The following CADM2 variants were observed in gnomAD, a reference collection of about 807,000 sequenced individuals.
The protein encoded by CADM2 is cell adhesion molecule 2.
CADM2 carries 12 observed loss-of-function variants against 49.8 expected under a neutral mutation model. The ratio of observed to expected loss-of-function variants is 0.24; its 90% CI spans 0.15 to 0.39. CADM2 has a LOEUF of 0.39. Among genes scored for constraint, CADM2 ranks in the 10% least tolerant of loss-of-function variants. The pLI is 1.00. For missense variants in CADM2, 378 were observed against 492.3 expected (o/e 0.77, Z 2.20); for synonymous variants, 214 against 175.4 (o/e 1.22, Z -1.74).
intron 3 of CADM2, among the ~76,000 whole-genome samples, chr3:85,867,689 A>T (rs2075775307): frequency 6.6e-6 from 1 of 152,088 alleles, no homozygotes; most frequent in Non-Finnish European, 1.5e-5. Context: ...CTACAAGAAG[A>T]AATACTTTGA....
chr3:86,050,023 TAA>T (rs1303831939), intron 8 of CADM2, among the ~76,000 whole-genome samples: 1 of 152,264 alleles, frequency 6.6e-6, no homozygotes, highest in South Asian at 2.1e-4. Flanking sequence ...ATTCCACCAT[TAA>T]CTCCAAAGTT....
intron 3 of CADM2, among the ~76,000 whole-genome samples, chr3:85,832,699 C>T (rs1295530988): frequency 2.0e-5 from 3 of 151,782 alleles, no homozygotes; most frequent in Non-Finnish European, 4.4e-5. Context: ...TTTCTAGGAG[C>T]CCTTTGATGG....
chr3:85,164,855 G>C (rs2107674148), intron 1 of CADM2, among the ~76,000 whole-genome samples: 1 of 152,038 alleles, frequency 6.6e-6, no homozygotes, highest in South Asian at 2.1e-4. Context: ...TTTCAAGCTT[G>C]ATAAGAGCAT....
At chr3:85,489,881 CAAT>C (rs1408424550) in intron 1 of CADM2, among the ~76,000 whole-genome samples, 2 of 151,052 alleles carry the variant, frequency 1.3e-5, no homozygotes, top group Non-Finnish European at 3.0e-5. Context: ...AAGAAACAAG[CAAT>C]AATGATGAAC....
chr3:85,907,967 C>T (rs1717029100), intron 5 of CADM2, among the ~76,000 whole-genome samples: 1 of 151,138 alleles, frequency 6.6e-6, no homozygotes, highest in Non-Finnish European at 1.5e-5. Flanking sequence ...AGCACCAAAA[C>T]CGCAAAAGTG....
chr3:85,209,808 A>T (rs929112786), intron 1 of CADM2, among the ~76,000 whole-genome samples: 3 of 152,192 alleles, frequency 2.0e-5, no homozygotes, highest in Admixed American at 6.5e-5. Context: ...GAACCTTTGA[A>T]AAGTTCACAA....
intron 1 of CADM2, among the ~76,000 whole-genome samples, chr3:85,455,910 A>G (rs974870815): frequency 6.6e-6 from 1 of 152,200 alleles, no homozygotes; most frequent in African/African-American, 2.4e-5. Flanking sequence ...TCATGATGAC[A>G]AAGAGTAGAT....
At chr3:85,095,618 A>G (rs1420775533) in intron 1 of CADM2, among the ~76,000 whole-genome samples, 2 of 152,160 alleles carry the variant, frequency 1.3e-5, no homozygotes, top group Admixed American at 1.3e-4. Context: ...CAAAATCTTA[A>G]AAGGATATTT....
intron 8 of CADM2, among the ~76,000 whole-genome samples, chr3:85,995,763 A>T (rs1318058423): frequency 6.6e-6 from 1 of 152,110 alleles, no homozygotes; most frequent in African/African-American, 2.4e-5. Flanking sequence ...AAGTTACAAG[A>T]CTCAGAAGAG....
intron 1 of CADM2, among the ~76,000 whole-genome samples, chr3:85,060,225 G>T (rs2036253111): frequency 6.6e-6 from 1 of 152,114 alleles, no homozygotes; most frequent in Non-Finnish European, 1.5e-5. Flanking sequence ...CTGCCTGCCA[G>T]GTTCAAGTGA....
chr3:85,314,046 C>T (rs750380745), intron 1 of CADM2, among the ~76,000 whole-genome samples: 14 of 152,054 alleles, frequency 9.2e-5, no homozygotes, highest in South Asian at 2.1e-4. Flanking sequence ...CGTGCCACCA[C>T]GCCTGGTAAT....
At chr3:85,662,457 A>G (rs1444010161) in intron 1 of CADM2, among the ~76,000 whole-genome samples, 1 of 151,878 alleles carries the variant, frequency 6.6e-6, no homozygotes, top group African/African-American at 2.4e-5. Flanking sequence ...TGAGTCCAGC[A>G]TTTTCTTCGT....
chr3:85,441,921 C>G (rs1054626773), intron 1 of CADM2, among the ~76,000 whole-genome samples: 1 of 151,910 alleles, frequency 6.6e-6, no homozygotes, highest in African/African-American at 2.4e-5. Context: ...AGAGGTGGAA[C>G]TATAAGCAGA....
intron 8 of CADM2, among the ~76,000 whole-genome samples, chr3:86,036,479 C>T (rs1735178166): frequency 6.6e-6 from 1 of 152,060 alleles, no homozygotes. Context: ...CCCCTTAATT[C>T]CAAATATAGT....
chr3:86,030,436 A>T (rs1333236800), intron 8 of CADM2, among the ~76,000 whole-genome samples: 1 of 152,026 alleles, frequency 6.6e-6, no homozygotes, highest in South Asian at 2.1e-4. Flanking sequence ...AATTCAGTGT[A>T]AACTCTATTT....
intron 1 of CADM2, among the ~76,000 whole-genome samples, chr3:85,000,471 T>G (rs2033408691): frequency 6.6e-6 from 1 of 152,102 alleles, no homozygotes; most frequent in Non-Finnish European, 1.5e-5. Context: ...TTTTACTTAT[T>G]CCAAGGTTGC....
chr3:85,983,848 C>G (rs1350722009), intron 8 of CADM2, among the ~76,000 whole-genome samples: 1 of 151,458 alleles, frequency 6.6e-6, no homozygotes, highest in Non-Finnish European at 1.5e-5. Context: ...TACCATCTGT[C>G]TGTCCTTTGA....
intron 1 of CADM2, among the ~76,000 whole-genome samples, chr3:85,095,147 C>T (rs1407494761): frequency 6.6e-6 from 1 of 152,104 alleles, no homozygotes; most frequent in African/African-American, 2.4e-5. Flanking sequence ...ATTGTTCAAA[C>T]GTTTTAATTT....
intron 1 of CADM2, among the ~76,000 whole-genome samples, chr3:85,033,098 G>A (rs2035057792): frequency 6.6e-6 from 1 of 151,984 alleles, no homozygotes; most frequent in Non-Finnish European, 1.5e-5. Flanking sequence ...TTTTAATTAA[G>A]CCAAATCAAA....
Sources: gnomAD v4.1 joint callset for allele counts (sites outside exome capture counted in the v4.1 genomes callset) on GRCh38, gnomAD v4.1.1 for gene constraint, MANE v1.5 for transcripts, NCBI Gene and HGNC (gene_info 2026-07-23, HGNC 2026-07-21) for gene names.